The following RANBP17 variants were observed in gnomAD, a reference collection of about 807,000 sequenced individuals.
RANBP17 encodes ran-binding protein 17.
A neutral mutation model predicts 141.2 loss-of-function variants in RANBP17; 158 were observed. That is an observed-to-expected ratio of 1.12 (90% CI 0.98 to 1.28). RANBP17 has a LOEUF of 1.28. Among genes scored for constraint, RANBP17 ranks in the 50% most tolerant of loss-of-function variants. The pLI, the probability that RANBP17 is intolerant of heterozygous loss-of-function variation, is 0.00. For synonymous variants in RANBP17, 430 were observed against 450.0 expected (o/e 0.96, Z 0.56); for missense variants, 1,438 against 1,290.7 (o/e 1.11, Z -1.75).
intron 12 of RANBP17, among the ~76,000 whole-genome samples, chr5:170,943,122 A>G (rs1238454093): frequency 6.6e-6 from 1 of 152,200 alleles, no homozygotes; most frequent in Admixed American, 6.5e-5. Flanking sequence ...GGTCTGCTCA[A>G]AATGATCATT....
chr5:171,208,118 A>G (rs1438171777), intron 20 of RANBP17, among the ~76,000 whole-genome samples: 1 of 152,254 alleles, frequency 6.6e-6, no homozygotes, highest in Non-Finnish European at 1.5e-5. Flanking sequence ...TTTGTTATAC[A>G]ATCCTTAGCA....
intron 21 of RANBP17, among the ~76,000 whole-genome samples, chr5:171,216,114 T>C (rs1178336521): frequency 6.6e-6 from 1 of 152,088 alleles, no homozygotes; most frequent in Admixed American, 6.6e-5. Flanking sequence ...TCAGTTTTCT[T>C]CATATGGCTA....
At chr5:171,093,583 T>TA (rs1285171031) in intron 14 of RANBP17, among the ~76,000 whole-genome samples, 2 of 152,180 alleles carry the variant, frequency 1.3e-5, no homozygotes, top group Non-Finnish European at 2.9e-5. Flanking sequence ...AAAAGACAAA[T>TA]ATAGTCACAA....
intron 25 of RANBP17, among the ~76,000 whole-genome samples, chr5:171,280,084 A>C (rs972892813): frequency 3.3e-5 from 5 of 152,186 alleles, no homozygotes; most frequent in Non-Finnish European, 7.3e-5. Flanking sequence ...CACAGTATAA[A>C]GTAAGAGTGG....
chr5:171,079,145 T>C (rs1785112919), intron 14 of RANBP17, among the ~76,000 whole-genome samples: 1 of 152,154 alleles, frequency 6.6e-6, no homozygotes, highest in South Asian at 2.1e-4. Context: ...CATGGATGAC[T>C]CTGAGGGGTT....
At chr5:170,885,738 T>A (rs1391165074) in intron 3 of RANBP17, among the ~76,000 whole-genome samples, 1 of 152,204 alleles carries the variant, frequency 6.6e-6, no homozygotes, top group Non-Finnish European at 1.5e-5. Context: ...TTAATGTTGC[T>A]TGTAAACAGT....
intron 14 of RANBP17, among the ~76,000 whole-genome samples, chr5:171,154,505 C>T (rs1243715809): frequency 1.3e-5 from 2 of 152,244 alleles, no homozygotes; most frequent in African/African-American, 2.4e-5. Context: ...GTCTTGAACT[C>T]CTGACCTCAA....
chr5:170,959,994 C>A (rs1776017537), intron 13 of RANBP17, among the ~76,000 whole-genome samples: 1 of 152,184 alleles, frequency 6.6e-6, no homozygotes, highest in South Asian at 2.1e-4. Flanking sequence ...GGTCTGTACT[C>A]AGATGTCTTT....
chr5:171,171,433 T>G, intron 16 of RANBP17, 147 bp downstream of exon 16: 1 of 493,462 alleles, frequency 2.0e-6, no homozygotes, highest in South Asian at 3.6e-5. Context: ...TAAATGCATG[T>G]TTTTGAAAGG....
intron 14 of RANBP17, among the ~76,000 whole-genome samples, chr5:171,120,427 C>T (rs140663065): frequency 6.6e-6 from 1 of 152,332 alleles, no homozygotes; most frequent in African/African-American, 2.4e-5. Context: ...GCACTCAAGT[C>T]ATGATACAAA....
Position 171,298,867 on chromosome 5 carries a change from T to A in RANBP17, c.*9T>A. ...TCGACATGATGAGCTGACCCGACTT[T>A]TCTGACCATGTGCGGAGCAGCCTTT... On this transcript the variant is annotated 3_prime_UTR_variant, in exon 28 of 28. Transcript: ENST00000523189. 6.2e-7 allele frequency: 1 copy of A among 1,611,542 alleles called. No homozygotes were observed. Among genetic ancestry groups the A allele is most frequent in the South Asian group, 1.1e-5 (1 of 91,006 alleles).
chr5:171,021,931 C>A (rs1342490886), intron 14 of RANBP17, among the ~76,000 whole-genome samples: 2 of 152,094 alleles, frequency 1.3e-5, no homozygotes, highest in South Asian at 4.2e-4. Context: ...TTTGAGGCTG[C>A]TAACCCTTGA....
At chr5:171,241,939 T>C (rs987553084) in intron 23 of RANBP17, among the ~76,000 whole-genome samples, 1 of 152,260 alleles carries the variant, frequency 6.6e-6, no homozygotes. Flanking sequence ...GTGATTCCTA[T>C]TGAGTTGGTC....
chr5:170,879,876 A>G (rs944217745), intron 2 of RANBP17, among the ~76,000 whole-genome samples: 2 of 152,194 alleles, frequency 1.3e-5, no homozygotes, highest in African/African-American at 4.8e-5. Flanking sequence ...AACAGAGCTA[A>G]AGTTCACAAA....
At chr5:170,871,909 T>C (rs1162592419) in intron 1 of RANBP17, among the ~76,000 whole-genome samples, 1 of 152,188 alleles carries the variant, frequency 6.6e-6, no homozygotes, top group Non-Finnish European at 1.5e-5. Flanking sequence ...CCATACTGTT[T>C]TAGTTACTGT....
intron 24 of RANBP17, among the ~76,000 whole-genome samples, chr5:171,254,824 C>G (rs1479764359): frequency 6.6e-6 from 1 of 152,116 alleles, no homozygotes; most frequent in Non-Finnish European, 1.5e-5. Flanking sequence ...TTAAAAAAAT[C>G]TGTCATTTTC....
chr5:171,233,900 G>C (rs935246663), intron 22 of RANBP17, among the ~76,000 whole-genome samples: 15 of 152,198 alleles, frequency 9.9e-5, no homozygotes, highest in Admixed American at 9.8e-4. Flanking sequence ...GACTGATAAT[G>C]ATATGTCAAT....
intron 14 of RANBP17, among the ~76,000 whole-genome samples, chr5:171,133,652 G>A (rs1200460616): frequency 1.3e-5 from 2 of 152,110 alleles, no homozygotes; most frequent in African/African-American, 4.8e-5. Context: ...AACCCATGTG[G>A]GCATAGGCTA....
chr5:171,006,238 A>G (rs1434444686), intron 14 of RANBP17, among the ~76,000 whole-genome samples: 1 of 152,244 alleles, frequency 6.6e-6, no homozygotes, highest in African/African-American at 2.4e-5. Flanking sequence ...CAGCCATCCC[A>G]TTACTGGGTA....
Sources: gnomAD v4.1 joint callset for allele counts (sites outside exome capture counted in the v4.1 genomes callset) on GRCh38, gnomAD v4.1.1 for gene constraint, MANE v1.5 for transcripts, NCBI Gene and HGNC (gene_info 2026-07-23, HGNC 2026-07-21) for gene names.